The following SLCO4A1 variants were observed in gnomAD, a reference collection of about 807,000 sequenced individuals.
The protein encoded by SLCO4A1 is colon organic anion transporter.
In SLCO4A1, 51 loss-of-function variants were observed where a neutral mutation model predicts 64.6. The observed-to-expected ratio is 0.79, with a 90% CI of 0.63 to 1.00. The LOEUF (loss-of-function observed/expected upper bound fraction) is 1.00, where lower values mean the gene tolerates loss of function less well. Ranked by LOEUF, SLCO4A1 falls within the 50% of genes least tolerant of loss-of-function variation. SLCO4A1 has a pLI of 0.00. For synonymous variants in SLCO4A1, 471 were observed against 444.9 expected (o/e 1.06, Z -0.74); for missense variants, 919 against 980.5 (o/e 0.94, Z 0.84).
chr20:62,690,129 G>T (rs1569160569), downstream of SLCO4A1, among the ~76,000 whole-genome samples: 1 of 152,216 alleles, frequency 6.6e-6, no homozygotes, highest in Non-Finnish European at 1.5e-5. Flanking sequence ...GCCCGCGATG[G>T]TCCTGGCCCC....
chr20:62,646,166 C>T (rs1981292496), intron 1 of SLCO4A1, among the ~76,000 whole-genome samples: 1 of 152,140 alleles, frequency 6.6e-6, no homozygotes, highest in Non-Finnish European at 1.5e-5. Context: ...GGTTTGAGCC[C>T]CTTTGCTGGC....
At chr20:62,649,207 G>A (rs2147061336) in intron 1 of SLCO4A1, 1 of 152,396 alleles carries the variant, frequency 6.6e-6, no homozygotes, top group Admixed American at 6.5e-5. Context: ...CCCAAGAAGA[G>A]CTGGCATTTC....
intron 1 of SLCO4A1, chr20:62,643,003 G>C (rs781634408): frequency 2.1e-6 from 1 of 470,306 alleles, no homozygotes; most frequent in Admixed American, 2.3e-5. Flanking sequence ...CAGAGTTGCG[G>C]AGTCACCCAC....
At position 62,671,762 on chromosome 20, in the gene SLCO4A1, C is replaced by T. The variant is rs1987253766; in HGVS notation, c.2038C>T (p.Leu680Phe). The stretch of plus-strand genomic sequence containing the variant: ...CCTCTCTCCCCAGGTGCTGGGCGTC[C>T]TCTTCTTTGCCATAGCCTGCTTCTT... ...MGLLYKVLGV[L>F]FFAIACFLYK... Residue 680 changes from leucine (L) to phenylalanine (F), a missense_variant, in exon 12 of 12, where the codon CTC (leucine) becomes TTC (phenylalanine). By Grantham distance (22) the Leu-to-Phe change is conservative. Coordinates refer to ENST00000217159, the MANE Select transcript of SLCO4A1 (RefSeq NM_016354.4). 6.2e-7 allele frequency: 1 copy of T among 1,613,426 alleles called. No individual in the cohort carries two copies. The highest frequency in any genetic ancestry group is 8.5e-7 in the Non-Finnish European group (1 of 1,179,830).
chr20:62,667,505 G>A (rs1005475538), intron 7 of SLCO4A1: 14 of 535,952 alleles, frequency 2.6e-5, no homozygotes, highest in Non-Finnish European at 4.3e-5. Flanking sequence ...TGTGCATCAG[G>A]CGGACGGTGC....
chr20:62,658,588 G>A (rs1184982352), intron 2 of SLCO4A1, 89 bp from the exon 3 acceptor site: 17 of 1,009,508 alleles, frequency 1.7e-5, no homozygotes, highest in East Asian at 7.9e-5. Flanking sequence ...TGGCGGGTGC[G>A]GGGCTTCTCC....
chr20:62,676,724 C>T (rs763152392), downstream of SLCO4A1, among the ~76,000 whole-genome samples: 3 of 152,230 alleles, frequency 2.0e-5, no homozygotes, highest in Non-Finnish European at 2.9e-5. Context: ...CTTTGGAAAA[C>T]AGTTTTGCGG....
At chr20:62,656,214 C>T (rs1409654133) in intron 1 of SLCO4A1, 145 bp from the exon 2 acceptor site, 18 of 513,170 alleles carry the variant, frequency 3.5e-5, no homozygotes, top group South Asian at 3.0e-4. Flanking sequence ...CCTGGCCAGA[C>T]GCCACCCTGG....
intron 11 of SLCO4A1, 151 bp downstream of exon 11, chr20:62,669,229 C>T (rs931033795): frequency 3.8e-6 from 3 of 799,526 alleles, no homozygotes; most frequent in South Asian, 1.7e-5. Context: ...CCACATTCCT[C>T]ATGAGTTGGT....
chr20:62,657,266 G>A lies in SLCO4A1; in HGVS notation c.796+16G>A, dbSNP rs1181996726. On this transcript the variant is annotated intron_variant, in intron 2 of 11. Transcript: ENST00000217159. ...GTCTACATTGGTGAGTGGGGCTGGC[G>A]GGGTAAGTGCTGGCAGGGGTGGCTG... The A allele has an allele frequency of 3.0e-5, 45 of 1,506,918 alleles. No individual in the cohort carries two copies. Among genetic ancestry groups the A allele is most frequent in the Non-Finnish European group, 3.9e-5 (44 of 1,118,996 alleles). The allele number at this position is 1,506,918 out of a possible 1,614,324, so 93.3% of individuals were successfully genotyped here.
downstream of SLCO4A1, chr20:62,672,308 G>A (rs945108937): frequency 8.2e-5 from 88 of 1,075,232 alleles, 2 homozygotes; most frequent in South Asian, 1.5e-3. Context: ...CCCGTACCGC[G>A]TGCTTTATTT....
At chr20:62,658,866 G>A (rs888948362) in intron 3 of SLCO4A1, 99 bp downstream of exon 3, 31 of 1,063,686 alleles carry the variant, frequency 2.9e-5, no homozygotes, top group African/African-American at 4.7e-5. Context: ...CAGGCCGGGC[G>A]CGGCGCAGGT....
At position 62,661,975 on chromosome 20, in the gene SLCO4A1, C is replaced by T. The variant is rs1054952279; in HGVS notation, c.1121+800C>T. The stretch of plus-strand genomic sequence containing the variant: ...CCCTCAGGGTGGCCACCACCCAAGT[C>T]CTCAGCGTCTGAGGCCCCAGCACGG... On this transcript the variant is annotated intron_variant, in intron 5 of 11. Transcript: ENST00000217159. This position sits in a 1 kb window ranked among gnomAD's most constrained non-coding sequence, Gnocchi z 5.2. Among the ~76,000 whole-genome samples the T allele has an allele frequency of 2.6e-5, 4 of 152,118 alleles. No homozygotes were observed. Among genetic ancestry groups the T allele is most frequent in the African/African-American group, 9.7e-5 (4 of 41,432 alleles).
Position 62,644,064 on chromosome 20 carries a change from C to T in SLCO4A1, c.-97+1511C>T, listed in dbSNP as rs565429906. Among the ~76,000 whole-genome samples, 1 of 152,202 alleles carries T rather than the reference C, an allele frequency of 6.6e-6. No individual in the cohort carries two copies. The highest frequency in any genetic ancestry group is 1.5e-5 in the Non-Finnish European group (1 of 68,034). ...GCAAAAGGCGACTGCAGGGTCAGGC[C>T]GGAGACCCAGAACAGCGTCCCAAGA... On this transcript the variant is annotated intron_variant, in intron 1 of 11. Coordinates refer to ENST00000217159, the MANE Select transcript of SLCO4A1 (RefSeq NM_016354.4). This position sits in a 1 kb window ranked among gnomAD's most constrained non-coding sequence, Gnocchi z 5.4.
chr20:62,665,066 C>T lies in SLCO4A1; in HGVS notation c.1254C>T (p.Ala418=). The T allele has an allele frequency of 6.2e-7, 1 of 1,610,690 alleles. No individual in the cohort carries two copies. Among genetic ancestry groups the T allele is most frequent in the Middle Eastern group, 1.7e-4 (1 of 6,024 alleles). The stretch of plus-strand genomic sequence containing the variant: ...TGGAGTCCCAGTTCAGCCTGAGTGC[C>T]TCAGAAGCTGCCACCTTGTTTGGTG... ...KFLESQFSLS[A]SEAATLFGYL... is the part of the protein sequence containing the mutation. The change falls in exon 6 of 12, where the codon GCC becomes GCT. Residue 418 remains alanine, a synonymous_variant. Transcript: ENST00000217159.
At chr20:62,659,432 A>G (rs116852807) in intron 3 of SLCO4A1, among the ~76,000 whole-genome samples, 1 of 152,158 alleles carries the variant, frequency 6.6e-6, no homozygotes, top group Non-Finnish European at 1.5e-5. Context: ...CTTTCTGCAG[A>G]TGGCGCCTCT....
Position 62,668,535 on chromosome 20 carries a change from A to C in SLCO4A1, c.1870A>C (p.Ile624Leu). 1.9e-6 allele frequency: 3 copies of C among 1,613,078 alleles called. No individual in the cohort carries two copies. The highest frequency in any genetic ancestry group is 2.5e-6 in the Non-Finnish European group (3 of 1,179,218). ...ALGIQWIVVR[I>L]LGGIPGPIAF... is the part of the protein sequence containing the mutation. ...GGGAATCCAGTGGATTGTAGTTAGA[A>C]TACTAGGTACTGTGCAGTGTGAGGA... Residue 624 changes from isoleucine to leucine, a missense_variant, in exon 10 of 12, where the codon ATA becomes CTA. Physicochemically the swap from Ile to Leu is conservative, Grantham distance 5. Transcript: ENST00000217159.
intron 6 of SLCO4A1, 147 bp downstream of exon 6, chr20:62,665,235 G>A (rs568125050): frequency 1.4e-5 from 12 of 838,020 alleles, no homozygotes; most frequent in African/African-American, 5.1e-5. Flanking sequence ...TGTGGAGAGC[G>A]CCACGGGGGC....
At chr20:62,686,491 G>A (rs989579371), downstream of SLCO4A1, among the ~76,000 whole-genome samples, 1 of 152,202 alleles carries the variant, frequency 6.6e-6, no homozygotes, top group Non-Finnish European at 1.5e-5. Context: ...GCGGGGAAGA[G>A]GGGAGGGGCC....
Sources: allele counts gnomAD v4.1 joint callset (sites outside exome capture counted in the v4.1 genomes callset), GRCh38; gene constraint gnomAD v4.1.1; non-coding constraint Gnocchi (gnomAD v3.1); transcripts MANE v1.5; gene names NCBI Gene and HGNC (gene_info 2026-07-23, HGNC 2026-07-21).